PTPRT: variants seen among roughly 807,000 people sequenced by gnomAD.
PTPRT encodes receptor-type tyrosine-protein phosphatase T.
In PTPRT, 56 loss-of-function variants were observed where a neutral mutation model predicts 176.8. The ratio of observed to expected loss-of-function variants is 0.32; its 90% CI spans 0.26 to 0.40. The LOEUF (loss-of-function observed/expected upper bound fraction) is 0.40. Among genes scored for constraint, PTPRT ranks in the 10% least tolerant of loss-of-function variants. The probability of loss-of-function intolerance (pLI) is 1.00; values close to 1 mark genes in which losing one functional copy is unlikely to be tolerated. For missense variants in PTPRT, 1,540 were observed against 1,908.2 expected (o/e 0.81, Z 3.60); for synonymous variants, 783 against 739.0 (o/e 1.06, Z -0.96).
At chr20:42,804,558 C>G (rs1173922270) in intron 2 of PTPRT, among the ~76,000 whole-genome samples, 1 of 152,354 alleles carries the variant, frequency 6.6e-6, no homozygotes, top group South Asian at 2.1e-4. Context: ...AAGCAATGAG[C>G]TGAATGGGTT....
rs115601697 is a variant in PTPRT at position 42,915,468 on chromosome 20, G to A, written c.89-29536C>T. On this transcript the variant is annotated intron_variant, in intron 1 of 30. Transcript: ENST00000373187. ...AAGACTGCACAGCCACGTAATCTACGTGCATCTTCAGAGAGGACCAGATTT... is the reference window on the plus strand; with the variant it reads ...AAGACTGCACAGCCACGTAATCTACATGCATCTTCAGAGAGGACCAGATTT... Among the ~76,000 whole-genome samples, 608 of 152,284 alleles carry A rather than the reference G, an allele frequency of 4.0e-3. 3 individuals are homozygous for A. The highest frequency in any genetic ancestry group is 0.014 in the African/African-American group (587 of 41,570).
At chr20:42,624,584 G>A (rs536801862) in intron 7 of PTPRT, among the ~76,000 whole-genome samples, 14 of 152,318 alleles carry the variant, frequency 9.2e-5, no homozygotes, top group Non-Finnish European at 1.8e-4. Flanking sequence ...AGGTTGAAAT[G>A]AGGATGGGGA....
At chr20:42,165,184 C>G (rs998425345) in intron 16 of PTPRT, among the ~76,000 whole-genome samples, 4 of 152,160 alleles carry the variant, frequency 2.6e-5, no homozygotes, top group East Asian at 1.9e-4. Flanking sequence ...CCACCCTTAT[C>G]CCCTGCCCCA....
intron 1 of PTPRT, among the ~76,000 whole-genome samples, chr20:43,187,199 G>A (rs2015414981): frequency 6.6e-6 from 1 of 152,178 alleles, no homozygotes; most frequent in Non-Finnish European, 1.5e-5. Context: ...TGTTATGGAT[G>A]TAACCTTATA....
chr20:43,004,483 CA>C (rs1380137654), intron 1 of PTPRT, among the ~76,000 whole-genome samples: 1 of 152,060 alleles, frequency 6.6e-6, no homozygotes, highest in African/African-American at 2.4e-5. Context: ...GACAGACTGG[CA>C]AAAATTCAAA....
intron 1 of PTPRT, among the ~76,000 whole-genome samples, chr20:43,183,572 C>T (rs912689010): frequency 6.6e-6 from 1 of 152,338 alleles, no homozygotes; most frequent in Middle Eastern, 3.4e-3. Flanking sequence ...CTATTCTATA[C>T]CTTTTAGGAA....
intron 7 of PTPRT, 129 bp downstream of exon 7, chr20:42,677,737 C>T: frequency 9.0e-7 from 1 of 1,105,778 alleles, no homozygotes; most frequent in Non-Finnish European, 1.3e-6. Context: ...TCCTGTTTAT[C>T]CACAATAGGA....
At chr20:42,100,387 C>T (rs1246958821) in intron 26 of PTPRT, among the ~76,000 whole-genome samples, 1 of 152,188 alleles carries the variant, frequency 6.6e-6, no homozygotes, top group East Asian at 1.9e-4. Flanking sequence ...AGCAAAGCTG[C>T]TATGGTTACC....
At chr20:43,170,570 G>A (rs1367601130) in intron 1 of PTPRT, among the ~76,000 whole-genome samples, 4 of 152,124 alleles carry the variant, frequency 2.6e-5, no homozygotes, top group East Asian at 3.9e-4. Context: ...CGACACATGC[G>A]TGAGTTAACA....
At chr20:42,575,706 A>G (rs2073246777) in intron 7 of PTPRT, among the ~76,000 whole-genome samples, 1 of 152,132 alleles carries the variant, frequency 6.6e-6, no homozygotes, top group Non-Finnish European at 1.5e-5. Context: ...AGTGGGCCAC[A>G]TTTGATGCAT....
In PTPRT at chr20:42,119,918, G is replaced by A. The variant is rs1987496733; in HGVS notation, c.2884+17C>T. 6.2e-7 allele frequency: 1 copy of A among 1,605,812 alleles called. No individual in the cohort carries two copies. Among genetic ancestry groups the A allele is most frequent in the Non-Finnish European group, 8.5e-7 (1 of 1,175,296 alleles). ...CTGAAGCCTCTCTGAGGCACTAGGT[G>A]GAGGGAGGGCACTTACCTTGAGTCG... On this transcript the variant is annotated intron_variant, in intron 20 of 30. Coordinates refer to ENST00000373187, the MANE Select transcript of PTPRT (RefSeq NM_007050.6).
chr20:42,853,662 T>C (rs2078514267), intron 2 of PTPRT, among the ~76,000 whole-genome samples: 1 of 152,180 alleles, frequency 6.6e-6, no homozygotes, highest in Non-Finnish European at 1.5e-5. Flanking sequence ...CTTTACTAAG[T>C]CTTCTGATTC....
At chr20:42,508,373 G>C (rs932552234) in intron 7 of PTPRT, among the ~76,000 whole-genome samples, 2 of 152,098 alleles carry the variant, frequency 1.3e-5, no homozygotes, top group Non-Finnish European at 2.9e-5. Context: ...GCCAACCAAA[G>C]GTGGGGTCTG....
At chr20:42,209,140 T>G (rs940636768) in intron 15 of PTPRT, among the ~76,000 whole-genome samples, 1 of 152,130 alleles carries the variant, frequency 6.6e-6, no homozygotes, top group African/African-American at 2.4e-5. Flanking sequence ...GGGACACATT[T>G]AAAGCAGTGT....
intron 23 of PTPRT, among the ~76,000 whole-genome samples, chr20:42,109,755 A>C (rs1191875589): frequency 6.6e-6 from 1 of 152,184 alleles, no homozygotes; most frequent in Admixed American, 6.5e-5. Context: ...ACTGGACGAG[A>C]AGTAAATAAT....
chr20:43,079,098 C>T (rs1045028232), intron 1 of PTPRT, among the ~76,000 whole-genome samples: 1 of 152,040 alleles, frequency 6.6e-6, no homozygotes, highest in Non-Finnish European at 1.5e-5. Flanking sequence ...GCACGACCAC[C>T]ACCTCTATTT....
chr20:42,098,684 T>C, intron 26 of PTPRT, 132 bp from the exon 27 acceptor site: 1 of 1,208,572 alleles, frequency 8.3e-7, no homozygotes, highest in Non-Finnish European at 1.1e-6. Context: ...TGCCTGTTCT[T>C]TTATCTCTCC....
At chr20:42,588,741 G>A (rs974717590) in intron 7 of PTPRT, among the ~76,000 whole-genome samples, 23 of 152,080 alleles carry the variant, frequency 1.5e-4, no homozygotes, top group Middle Eastern at 3.2e-3. Context: ...CAGAGGTCTG[G>A]GAAGAGCAGT....
chr20:42,196,193 G>A (rs1380639723), intron 16 of PTPRT, among the ~76,000 whole-genome samples: 1 of 152,164 alleles, frequency 6.6e-6, no homozygotes, highest in Non-Finnish European at 1.5e-5. Context: ...GGACAGAAAA[G>A]GATGAATTGG....
Sources: allele counts gnomAD v4.1 joint callset (sites outside exome capture counted in the v4.1 genomes callset), GRCh38; gene constraint gnomAD v4.1.1; transcripts MANE v1.5; gene names NCBI Gene and HGNC (gene_info 2026-07-23, HGNC 2026-07-21).